FHL1: variants seen among roughly 807,000 people sequenced by gnomAD.
The protein encoded by FHL1 is four and a half LIM domains 1, also known as four and a half LIM domains protein 1.
Under a neutral mutation model 20.3 loss-of-function variants are expected in FHL1, and 1 was observed. The observed-to-expected ratio is 0.05, with a 90% confidence interval of 0.02 to 0.23. The LOEUF is 0.23. Among genes scored for constraint, FHL1 ranks in the 10% least tolerant of loss-of-function variants. The pLI, the probability that FHL1 is intolerant of heterozygous loss-of-function variation, is 1.00. For missense variants in FHL1, 177 were observed against 234.0 expected (o/e 0.76, Z 1.59); for synonymous variants, 82 against 88.9 (o/e 0.92, Z 0.44).
chrX:136,148,894 A>C (rs935848180), intron 1 of FHL1, among the ~76,000 whole-genome samples: 2 of 112,269 alleles, frequency 1.8e-5, no homozygotes, highest in African/African-American at 6.5e-5. Flanking sequence ...TGGTTTTGAG[A>C]AGAGTAGAAG....
intron 5 of FHL1, chrX:136,209,420 G>C: frequency 8.3e-7 from 1 of 1,210,664 alleles, no homozygotes. Context: ...AAAAATCGAA[G>C]CTTAGCAGCT....
chrX:136,188,663 A>G (rs17001859), intron 2 of FHL1, among the ~76,000 whole-genome samples: 2,881 of 110,839 alleles, frequency 0.026, 101 homozygotes, highest in African/African-American at 0.089. Flanking sequence ...CTGTCTACAC[A>G]ATGGTCAGAT....
chrX:136,178,315 A>G (rs1196918017), intron 2 of FHL1, among the ~76,000 whole-genome samples: 2 of 112,362 alleles, frequency 1.8e-5, no homozygotes, highest in Non-Finnish European at 3.8e-5. Flanking sequence ...AGGAGGAAAT[A>G]TATAAAAATG....
chrX:136,149,145 T>C (rs2072195903), intron 1 of FHL1, among the ~76,000 whole-genome samples: 1 of 112,118 alleles, frequency 8.9e-6, no homozygotes, highest in South Asian at 3.7e-4. Flanking sequence ...AACGTTACGG[T>C]GTTCCTTGCA....
At chrX:136,190,928 A>T (rs1476260119) in intron 2 of FHL1, among the ~76,000 whole-genome samples, 1 of 111,268 alleles carries the variant, frequency 9.0e-6, no homozygotes, top group Admixed American at 9.6e-5. Flanking sequence ...TTCCAACTCT[A>T]TCATGCCATT....
chrX:136,152,269 A>G (rs917625920), intron 1 of FHL1, among the ~76,000 whole-genome samples: 3 of 112,180 alleles, frequency 2.7e-5, no homozygotes, highest in Non-Finnish European at 5.6e-5. Flanking sequence ...AGTGGGAGAT[A>G]TTTGTTAAGT....
At chrX:136,201,503 T>G (rs2073707964) in intron 1 of FHL1, among the ~76,000 whole-genome samples, 1 of 56,588 alleles carries the variant, frequency 1.8e-5, no homozygotes, top group South Asian at 6.6e-4. Context: ...TGCCTCTTAG[T>G]GCACATGCTT....
At chrX:136,155,814 G>GA (rs56379255) in intron 1 of FHL1, among the ~76,000 whole-genome samples, 167 of 102,200 alleles carry the variant, frequency 1.6e-3, no homozygotes, top group African/African-American at 5.2e-3. Context: ...GTGAAACCTA[G>GA]AAAAAAAAAA....
rs371839123 is a variant in FHL1, at chrX:136,190,684, T to A, written c.-26-15723T>A. On this transcript the variant is annotated intron_variant, in intron 2 of 6. Coordinates refer to the FHL1 transcript ENST00000394153. The stretch of plus-strand genomic sequence containing the variant: ...TTAACCTCTGTTGATGAATATAAAG[T>A]CAAGGGATAACAAACCCCCTTTACC... 9.0e-5 allele frequency among the ~76,000 whole-genome samples: 10 copies of A among 111,558 alleles called. No homozygotes were observed. In the East Asian group the frequency reaches 1.7e-3, roughly 19 times the overall value.
chrX:136,158,424 G>A (rs6635243), intron 1 of FHL1, among the ~76,000 whole-genome samples: 5,710 of 111,451 alleles, frequency 0.051, 376 homozygotes, highest in African/African-American at 0.17. Context: ...GGCATGCGTC[G>A]TCTCCTCTTG....
At chrX:136,148,967 G>A (rs1412806902) in intron 1 of FHL1, among the ~76,000 whole-genome samples, 1 of 111,992 alleles carries the variant, frequency 8.9e-6, no homozygotes, top group Admixed American at 9.4e-5. Flanking sequence ...TATCCCTTCG[G>A]GATTATCCGA....
At chrX:136,151,791 T>C (rs1407979659) in intron 1 of FHL1, among the ~76,000 whole-genome samples, 3 of 112,023 alleles carry the variant, frequency 2.7e-5, no homozygotes, top group Admixed American at 1.9e-4. Flanking sequence ...ACAGCTACCA[T>C]TTATGGCACT....
chrX:136,180,726 CTTTATTTTAT>C (rs1223504274), intron 2 of FHL1, among the ~76,000 whole-genome samples: 6 of 111,967 alleles, frequency 5.4e-5, no homozygotes, highest in Admixed American at 3.8e-4. Context: ...TACTGATTGA[CTTTATTTTAT>C]TTTATTTTAT....
At chrX:136,149,406 A>G (rs1481204801) in intron 1 of FHL1, among the ~76,000 whole-genome samples, 1 of 112,462 alleles carries the variant, frequency 8.9e-6, no homozygotes, top group East Asian at 2.8e-4. Context: ...TTTTGGTTAC[A>G]TAAGGTTCCG....
At chrX:136,189,906 C>T (rs886613680) in intron 2 of FHL1, among the ~76,000 whole-genome samples, 5 of 111,991 alleles carry the variant, frequency 4.5e-5, no homozygotes, top group African/African-American at 6.5e-5. Context: ...AATTGTTCAA[C>T]CAATCTCATA....
At chrX:136,169,400 G>C (rs147725594), upstream of FHL1, 379 of 162,766 alleles carry the variant, frequency 2.3e-3, no homozygotes, top group African/African-American at 0.011. Flanking sequence ...GCGGTCACAG[G>C]GCACCTCGTC....
At chrX:136,158,442 C>T (rs774652253) in intron 1 of FHL1, among the ~76,000 whole-genome samples, 6 of 111,861 alleles carry the variant, frequency 5.4e-5, no homozygotes, top group East Asian at 2.8e-4. Flanking sequence ...TTGCCACTCT[C>T]GATTTCTACT....
chrX:136,202,713 G>A (rs946805230), intron 1 of FHL1, among the ~76,000 whole-genome samples: 2 of 110,457 alleles, frequency 1.8e-5, no homozygotes, highest in Non-Finnish European at 3.8e-5. Context: ...CCAAGATTGC[G>A]CCACTGCACT....
At chrX:136,193,865 G>A (rs2073490508), upstream of FHL1, among the ~76,000 whole-genome samples, 1 of 109,778 alleles carries the variant, frequency 9.1e-6, no homozygotes. Flanking sequence ...CCTTGCACCA[G>A]TTGCAGAAAG....
Sources: gnomAD v4.1 joint callset for allele counts (sites outside exome capture counted in the v4.1 genomes callset) on GRCh38, gnomAD v4.1.1 for gene constraint, MANE v1.5 for transcripts, NCBI Gene and HGNC (gene_info 2026-07-23, HGNC 2026-07-21) for gene names.